The following TFDP2 variants were observed in gnomAD, a reference collection of about 807,000 sequenced individuals.
The protein encoded by TFDP2 is transcription factor Dp-2, also known as transcription factor Dp-2 (E2F dimerization partner 2).
Under a neutral mutation model 59.3 loss-of-function variants are expected in TFDP2, and 17 were observed. The observed-to-expected ratio is 0.29, with a 90% CI of 0.20 to 0.43. The LOEUF (loss-of-function observed/expected upper bound fraction) is 0.43. Among genes scored for constraint, TFDP2 ranks in the 20% least tolerant of loss-of-function variants. The pLI is 1.00. For synonymous variants in TFDP2, 180 were observed against 194.7 expected (o/e 0.92, Z 0.63); for missense variants, 391 against 528.8 (o/e 0.74, Z 2.56).
intron 3 of TFDP2, among the ~76,000 whole-genome samples, chr3:142,072,880 T>G (rs189925246): frequency 3.9e-4 from 60 of 152,318 alleles, no homozygotes; most frequent in African/African-American, 1.4e-3. Context: ...ATTTAACTTA[T>G]GTAGAAACTC....
At chr3:142,018,100 G>A (rs184666011) in intron 3 of TFDP2, among the ~76,000 whole-genome samples, 4 of 152,086 alleles carry the variant, frequency 2.6e-5, no homozygotes, top group South Asian at 4.2e-4. Context: ...CCATCACCAC[G>A]CTTGGCTAAT....
intron 3 of TFDP2, among the ~76,000 whole-genome samples, chr3:142,068,713 C>T (rs1243852481): frequency 2.0e-5 from 3 of 151,852 alleles, no homozygotes; most frequent in Non-Finnish European, 4.4e-5. Flanking sequence ...ACTACAGGTA[C>T]ACACCACCAC....
chr3:141,974,011 T>C (rs972807556), intron 8 of TFDP2, 37 bp downstream of exon 8: 3 of 1,584,594 alleles, frequency 1.9e-6, no homozygotes, highest in African/African-American at 2.7e-5. Flanking sequence ...TGTAAAATAA[T>C]GCAAACAGCT....
intron 3 of TFDP2, among the ~76,000 whole-genome samples, chr3:142,091,731 G>A (rs2061002370): frequency 6.6e-6 from 1 of 152,120 alleles, no homozygotes; most frequent in African/African-American, 2.4e-5. Context: ...GATGGTTTCA[G>A]GATGAAACTG....
intron 6 of TFDP2, among the ~76,000 whole-genome samples, chr3:141,984,671 T>C (rs1054229265): frequency 5.9e-5 from 9 of 152,146 alleles, no homozygotes; most frequent in African/African-American, 2.2e-4. Context: ...ATAGTGGTGA[T>C]AGTTGCCCAA....
intron 6 of TFDP2, among the ~76,000 whole-genome samples, chr3:141,979,735 T>G (rs1941244795): frequency 6.6e-6 from 1 of 151,920 alleles, no homozygotes; most frequent in South Asian, 2.1e-4. Flanking sequence ...ATTACAGGTG[T>G]GCACCACCAC....
intron 3 of TFDP2, among the ~76,000 whole-genome samples, chr3:142,051,048 G>A (rs1272908437): frequency 6.6e-6 from 1 of 152,288 alleles, no homozygotes; most frequent in East Asian, 1.9e-4. Flanking sequence ...AAAATCGAAA[G>A]ATTACACTAT....
At chr3:142,115,208 T>C (rs1385630628) in intron 1 of TFDP2, among the ~76,000 whole-genome samples, 1 of 152,014 alleles carries the variant, frequency 6.6e-6, no homozygotes, top group Non-Finnish European at 1.5e-5. Flanking sequence ...AAAAAGTCCA[T>C]ACAGATAAAG....
chr3:142,106,573 T>C (rs929506804), intron 1 of TFDP2, among the ~76,000 whole-genome samples: 1 of 152,232 alleles, frequency 6.6e-6, no homozygotes, highest in Non-Finnish European at 1.5e-5. Flanking sequence ...TCTTTGGCAG[T>C]ATGGATGATT....
Position 141,953,483 on chromosome 3 carries a change from G to GT in TFDP2, c.1052-468dup, listed in dbSNP as rs11569285. Among the ~76,000 whole-genome samples, 209 of 152,210 alleles carry GT rather than the reference G, an allele frequency of 1.4e-3. 1 individual carries two copies. The highest frequency in any genetic ancestry group is 4.6e-3 in the African/African-American group (190 of 41,554). On this transcript the variant is annotated intron_variant, in intron 11 of 12. Coordinates refer to ENST00000489671, the MANE Select transcript of TFDP2 (RefSeq NM_001178139.2). Reference sequence around the variant, plus strand: ...CCCTGCTTAGAGGGCAGACAGACATGTTTTGGCCAAAACCCCCGCCGCAAT... The same window carrying GT: ...CCCTGCTTAGAGGGCAGACAGACATGTTTTTGGCCAAAACCCCCGCCGCAAT...
chr3:142,031,940 GA>G (rs5853065), intron 3 of TFDP2, among the ~76,000 whole-genome samples: 92,475 of 151,968 alleles, frequency 0.61, 29,703 homozygotes, highest in East Asian at 0.77. Context: ...GTAAAATATT[GA>G]ATCTTCCTGA....
In TFDP2 at chr3:142,148,354, A is replaced by G. The variant is rs139859723; in HGVS notation, c.-93+829T>C. Among the ~76,000 whole-genome samples the G allele has an allele frequency of 2.3e-3, 346 of 152,374 alleles. 4 individuals carry two copies. The highest frequency in any genetic ancestry group is 7.8e-3 in the African/African-American group (324 of 41,602). On this transcript the variant is annotated intron_variant, in intron 1 of 12. Transcript: ENST00000489671. ...AGGAATGAGCCCGTTCACTGTCTCA[A>G]CACTAAAAGGGAAATAATATAGGGT... is the stretch of plus-strand genomic sequence containing the variant.
chr3:142,131,053 C>CA (rs1223900505), intron 1 of TFDP2, among the ~76,000 whole-genome samples: 23,079 of 78,998 alleles, frequency 0.29, 2,760 homozygotes, highest in Middle Eastern at 0.38. Flanking sequence ...AACTACGTCT[C>CA]AAAAAAAAAA....
intron 3 of TFDP2, among the ~76,000 whole-genome samples, chr3:142,033,004 T>G (rs1937651252): frequency 6.6e-6 from 1 of 152,090 alleles, no homozygotes; most frequent in Non-Finnish European, 1.5e-5. Context: ...AAGACTGGCC[T>G]GGCCAACATG....
At chr3:142,030,351 AATC>A (rs1328578658) in intron 3 of TFDP2, among the ~76,000 whole-genome samples, 1 of 152,256 alleles carries the variant, frequency 6.6e-6, no homozygotes. Context: ...TGAGTAAATA[AATC>A]ACATAAAATT....
At chr3:141,998,165 C>T (rs1028893022) in intron 4 of TFDP2, among the ~76,000 whole-genome samples, 4 of 152,034 alleles carry the variant, frequency 2.6e-5, no homozygotes, top group Non-Finnish European at 5.9e-5. Flanking sequence ...ATGTGAGATA[C>T]AGTAAGTTCC....
Position 142,056,201 on chromosome 3 carries a change from C to T in TFDP2, c.82+36860G>A, listed in dbSNP as rs183536788. Among the ~76,000 whole-genome samples the T allele has an allele frequency of 5.5e-4, 83 of 151,624 alleles. 2 individuals are homozygous for T. In the East Asian group the frequency reaches 0.012, roughly 22 times the overall value. ...ACTCCTAACCTCATGATCTGCCCACCTCGGCCTCCCAAAGTGCTGGGATTA... is the reference window on the plus strand; with the variant it reads ...ACTCCTAACCTCATGATCTGCCCACTTCGGCCTCCCAAAGTGCTGGGATTA... On this transcript the variant is annotated intron_variant, in intron 3 of 12. Coordinates refer to ENST00000489671, the MANE Select transcript of TFDP2 (RefSeq NM_001178139.2).
chr3:142,043,861 T>C (rs983795633), intron 3 of TFDP2: 6 of 1,276,508 alleles, frequency 4.7e-6, no homozygotes, highest in Non-Finnish European at 5.7e-6. Context: ...GTGATACATA[T>C]GGCGATCAAT....
chr3:142,098,784 T>A (rs1368635377), intron 2 of TFDP2, among the ~76,000 whole-genome samples: 1 of 152,104 alleles, frequency 6.6e-6, no homozygotes, highest in Admixed American at 6.6e-5. Context: ...ACAAGTATTA[T>A]GAGGCCAATG....
Sources: gnomAD v4.1 joint callset for allele counts (sites outside exome capture counted in the v4.1 genomes callset) on GRCh38, gnomAD v4.1.1 for gene constraint, MANE v1.5 for transcripts, NCBI Gene and HGNC (gene_info 2026-07-23, HGNC 2026-07-21) for gene names.